Variants in LRBA observed in about 807,000 individuals in gnomAD.
LRBA encodes lipopolysaccharide-responsive and beige-like anchor protein.
Under a neutral mutation model 330.0 loss-of-function variants are expected in LRBA, and 176 were observed. The ratio of observed to expected loss-of-function variants is 0.53; its 90% confidence interval spans 0.47 to 0.60. The LOEUF is 0.60. LRBA is among the 20% of genes least tolerant of loss of function. LRBA has a pLI of 0.00. For missense variants in LRBA, 3,259 were observed against 3,444.8 expected (o/e 0.95, Z 1.35); for synonymous variants, 1,230 against 1,193.0 (o/e 1.03, Z -0.64).
chr4:150,852,546 A>G lies in LRBA; in HGVS notation c.3164T>C (p.Ile1055Thr). Residue 1055 changes from isoleucine to threonine, a missense_variant, in exon 23 of 57, where the codon ATA (isoleucine) becomes ACA (threonine). Ile to Thr is a moderately conservative substitution (Grantham distance 89). Coordinates refer to ENST00000651943, the MANE Select transcript of LRBA (RefSeq NM_001364905.1). The part of the protein sequence containing the change: ...ADDLEVSSDI[I>T]EAVAISSNSF... The stretch of plus-strand genomic sequence containing the variant: ...ATTAGAGGAAATAGCCACAGCTTCT[A>G]TTATGTCAGAAGATACTTCTAAATC... 1 of 1,613,882 alleles carries G rather than the reference A, an allele frequency of 6.2e-7. No homozygotes were observed. Among genetic ancestry groups the G allele is most frequent in the Non-Finnish European group, 8.5e-7 (1 of 1,179,964 alleles).
intron 40 of LRBA, among the ~76,000 whole-genome samples, chr4:150,498,534 C>T (rs1759855125): frequency 6.6e-6 from 1 of 151,838 alleles, no homozygotes; most frequent in Non-Finnish European, 1.5e-5. Context: ...AATGAACCCG[C>T]AAAAGGATAT....
In LRBA at chr4:150,718,396, A is replaced by G. The variant is rs1378808866; in HGVS notation, c.5754+16862T>C. ...TTAGCAGTAGATAAAATTCAGTTAT[A>G]TTATTTAAGAATGTACAGCTTGAAT... On this transcript the variant is annotated intron_variant, in intron 36 of 56. Transcript: ENST00000651943. Among the ~76,000 whole-genome samples the G allele has an allele frequency of 3.3e-5, 5 of 152,272 alleles. No homozygotes were observed. In the East Asian group the frequency reaches 9.6e-4, roughly 29 times the overall value.
chr4:150,373,694 G>A (rs909960876), intron 47 of LRBA, among the ~76,000 whole-genome samples: 8 of 152,074 alleles, frequency 5.3e-5, no homozygotes, highest in African/African-American at 1.7e-4. Context: ...TTACACAGCT[G>A]CCACACTTTC....
Position 150,464,313 on chromosome 4 carries a change from C to G in LRBA, c.6780+3360G>C, listed in dbSNP as rs1755161547. 2.0e-5 allele frequency among the ~76,000 whole-genome samples: 3 copies of G among 151,800 alleles called. No homozygotes were observed. In the South Asian group the frequency reaches 6.2e-4, roughly 32 times the overall value. On this transcript the variant is annotated intron_variant, in intron 44 of 56. Coordinates refer to ENST00000651943, the MANE Select transcript of LRBA (RefSeq NM_001364905.1). Reference sequence around the variant, plus strand: ...AATTTTATATTCTAACAAAATCAACCCCCCAAAAATGATATTTTTACTTTT... The same window carrying G: ...AATTTTATATTCTAACAAAATCAACGCCCCAAAAATGATATTTTTACTTTT...
At chr4:150,836,683 C>G (rs1012122153) in intron 28 of LRBA, among the ~76,000 whole-genome samples, 1 of 152,142 alleles carries the variant, frequency 6.6e-6, no homozygotes, top group Admixed American at 6.5e-5. Context: ...ATTCTTCTCT[C>G]TTTTCTTCTT....
chr4:150,299,216 G>A (rs977613091), intron 53 of LRBA, among the ~76,000 whole-genome samples: 4 of 152,122 alleles, frequency 2.6e-5, no homozygotes, highest in South Asian at 2.1e-4. Context: ...GAGATGCCAT[G>A]CTTTCATGTA....
At chr4:150,414,443 T>G (rs1217750206) in intron 47 of LRBA, among the ~76,000 whole-genome samples, 2 of 152,192 alleles carry the variant, frequency 1.3e-5, no homozygotes, top group African/African-American at 4.8e-5. Flanking sequence ...AGATTTCACT[T>G]TTAATGTAGA....
chr4:150,601,245 G>A (rs889280022), intron 37 of LRBA, among the ~76,000 whole-genome samples: 2 of 152,124 alleles, frequency 1.3e-5, no homozygotes, highest in Non-Finnish European at 2.9e-5. Context: ...CAAATTAAAT[G>A]ATGTCATTCT....
intron 28 of LRBA, among the ~76,000 whole-genome samples, chr4:150,841,746 G>A (rs1046036310): frequency 1.3e-5 from 2 of 151,794 alleles, no homozygotes; most frequent in Non-Finnish European, 2.9e-5. Context: ...TCCGCCTCCC[G>A]AGTTCACGCC....
intron 48 of LRBA, among the ~76,000 whole-genome samples, chr4:150,346,786 A>C (rs1440603298): frequency 2.4e-5 from 3 of 126,522 alleles, no homozygotes; most frequent in South Asian, 2.5e-4. Flanking sequence ...AAAAAAAAAA[A>C]ACACTTATTT....
intron 44 of LRBA, among the ~76,000 whole-genome samples, chr4:150,453,856 T>A (rs1753694940): frequency 6.6e-6 from 1 of 152,344 alleles, no homozygotes; most frequent in East Asian, 1.9e-4. Flanking sequence ...CCTCTTTTCT[T>A]CCTTTTCCTG....
intron 44 of LRBA, among the ~76,000 whole-genome samples, chr4:150,447,483 G>C (rs902651037): frequency 6.6e-6 from 1 of 152,104 alleles, no homozygotes; most frequent in Admixed American, 6.5e-5. Context: ...GTCAGTCTGG[G>C]ATTTACACCA....
chr4:150,556,688 CT>C (rs957888357), intron 40 of LRBA, among the ~76,000 whole-genome samples: 1 of 152,176 alleles, frequency 6.6e-6, no homozygotes, highest in African/African-American at 2.4e-5. Flanking sequence ...TATACAAATA[CT>C]GTGAAAATGC....
chr4:150,891,924 C>T (rs1579113128), intron 17 of LRBA, among the ~76,000 whole-genome samples: 1 of 152,076 alleles, frequency 6.6e-6, no homozygotes, highest in African/African-American at 2.4e-5. Context: ...GACTTTGTCT[C>T]TACAAAAAAC....
At chr4:150,689,618 A>G (rs1332033435) in intron 36 of LRBA, among the ~76,000 whole-genome samples, 1 of 152,212 alleles carries the variant, frequency 6.6e-6, no homozygotes, top group Non-Finnish European at 1.5e-5. Context: ...GAATTCCACC[A>G]AACATTTAAG....
intron 37 of LRBA, among the ~76,000 whole-genome samples, chr4:150,623,630 G>A (rs1166771175): frequency 6.6e-6 from 1 of 151,978 alleles, no homozygotes; most frequent in Non-Finnish European, 1.5e-5. Context: ...ACCACTAGGA[G>A]ACTTTCTGGG....
intron 30 of LRBA, among the ~76,000 whole-genome samples, chr4:150,822,055 G>GCT: frequency 6.6e-6 from 1 of 151,954 alleles, no homozygotes. Flanking sequence ...GCCCAAGGCA[G>GCT]CATGAAAGTT....
intron 56 of LRBA, among the ~76,000 whole-genome samples, chr4:150,277,051 A>G (rs562102410): frequency 6.6e-5 from 10 of 152,336 alleles, no homozygotes; most frequent in Non-Finnish European, 1.2e-4. Flanking sequence ...TAGACTGGAT[A>G]AAGAAAATGT....
At chr4:150,445,768 G>A (rs1040384405) in intron 44 of LRBA, among the ~76,000 whole-genome samples, 4 of 151,916 alleles carry the variant, frequency 2.6e-5, no homozygotes, top group East Asian at 1.9e-4. Context: ...GGGCTCAAAC[G>A]ATTCTTCTGC....
Sources: gnomAD v4.1 joint callset for allele counts (sites outside exome capture counted in the v4.1 genomes callset) on GRCh38, gnomAD v4.1.1 for gene constraint, MANE v1.5 for transcripts, NCBI Gene and HGNC (gene_info 2026-07-23, HGNC 2026-07-21) for gene names.